The following ZNF266 variants were observed in gnomAD, a reference collection of about 807,000 sequenced individuals.
ZNF266 encodes zinc finger protein 266, also known as zinc finger protein 1.
In ZNF266, 16 loss-of-function variants were observed where a neutral mutation model predicts 16.4. The observed-to-expected ratio is 0.98, with a 90% CI of 0.66 to 1.48. The LOEUF is 1.48. ZNF266 is among the 40% of genes most tolerant of loss of function. The probability of loss-of-function intolerance (pLI) is 0.00; values close to 1 mark genes in which losing one functional copy is unlikely to be tolerated. For synonymous variants in ZNF266, 262 were observed against 237.9 expected (o/e 1.10, Z -0.93); for missense variants, 738 against 689.1 (o/e 1.07, Z -0.79).
intron 5 of ZNF266, among the ~76,000 whole-genome samples, chr19:9,427,499 A>AT (rs1357322477): frequency 2.6e-5 from 4 of 151,644 alleles, no homozygotes; most frequent in African/African-American, 7.3e-5. Flanking sequence ...ATATATATAT[A>AT]TATTTTAAGT....
intron 5 of ZNF266, among the ~76,000 whole-genome samples, chr19:9,424,339 AG>A (rs1448670496): frequency 6.6e-6 from 1 of 152,148 alleles, no homozygotes; most frequent in Non-Finnish European, 1.5e-5. Flanking sequence ...TGAAGTGATG[AG>A]GTGTAGAACC....
At chr19:9,421,225 A>G (rs1428216679) in intron 5 of ZNF266, among the ~76,000 whole-genome samples, 1 of 152,154 alleles carries the variant, frequency 6.6e-6, no homozygotes, top group East Asian at 1.9e-4. Flanking sequence ...CCTTTATTCT[A>G]TGAATGAGAA....
intron 5 of ZNF266, among the ~76,000 whole-genome samples, chr19:9,431,937 G>A (rs2071667903): frequency 6.6e-6 from 1 of 152,124 alleles, no homozygotes; most frequent in South Asian, 2.1e-4. Context: ...TGTAATTGAG[G>A]TCTCAAGTCA....
At chr19:9,419,909 A>G in intron 6 of ZNF266, 156 bp downstream of exon 6, 1 of 152,990 alleles carries the variant, frequency 6.5e-6, no homozygotes. Context: ...TCAAAAAAAA[A>G]AAAAAAAAAA....
In ZNF266 at chr19:9,435,427, G is replaced by A. The variant is rs1470410759; in HGVS notation, c.-701C>T. 1 of 152,258 alleles carries A rather than the reference G, an allele frequency of 6.6e-6. No homozygotes were observed. The highest frequency in any genetic ancestry group is 1.5e-5 in the Non-Finnish European group (1 of 68,098). 9.4% of individuals were successfully genotyped at this position (152,258 alleles called of 1,614,324 possible). ...AAGGTCTCTCTAAGGAGGCCCCTCG[G>A]CGGCCTGGGGCAAACCGGTACTTTC... On this transcript the variant is annotated 5_prime_UTR_variant, in exon 1 of 11. Transcript: ENST00000592904.
intron 5 of ZNF266, among the ~76,000 whole-genome samples, chr19:9,427,486 AAT>A (rs754507768): frequency 6.6e-6 from 1 of 150,988 alleles, no homozygotes; most frequent in Non-Finnish European, 1.5e-5. Flanking sequence ...ATGCCCAGCT[AAT>A]ATATATATAT....
At chr19:9,421,888 G>C (rs972150425) in intron 5 of ZNF266, among the ~76,000 whole-genome samples, 2 of 151,032 alleles carry the variant, frequency 1.3e-5, no homozygotes, top group African/African-American at 4.9e-5. Flanking sequence ...GGCTCGCTCT[G>C]TCACCCAGGC....
intron 5 of ZNF266, among the ~76,000 whole-genome samples, chr19:9,427,030 T>C (rs1348442224): frequency 5.3e-5 from 8 of 152,174 alleles, no homozygotes; most frequent in Admixed American, 5.2e-4. Context: ...TTGAAATATT[T>C]CACATGGCCC....
In ZNF266 at chr19:9,413,894, C is replaced by T. The variant is rs149699312; in HGVS notation, c.1232G>A (p.Arg411Gln). The change falls in exon 11 of 11, where the codon CGA (arginine) becomes CAA (glutamine). Residue 411 changes from arginine to glutamine, a missense_variant. Physicochemically the swap from Arg to Gln is conservative, Grantham distance 43. Transcript: ENST00000592904. ...ATAGGGTTTTATTCCAGTGTGAATT[C>T]GAAAGTGATCACTGAGGCATGAGGA... ...RNSSCLSDHF[R>Q]IHTGIKPYKC... is the part of the protein sequence containing the mutation. 18 of 1,614,018 alleles carry T rather than the reference C, an allele frequency of 1.1e-5. No individual in the cohort carries two copies. Among genetic ancestry groups the T allele is most frequent in the Middle Eastern group, 1.6e-4 (1 of 6,062 alleles).
At chr19:9,430,664 T>C (rs960332098) in intron 5 of ZNF266, among the ~76,000 whole-genome samples, 2 of 152,168 alleles carry the variant, frequency 1.3e-5, no homozygotes, top group African/African-American at 2.4e-5. Flanking sequence ...TGTGTGCTGT[T>C]TGTGACATAG....
rs1373657876 is a variant in ZNF266 at position 9,414,253 on chromosome 19, A to G, written c.873T>C (p.Ser291=). The G allele has an allele frequency of 5.6e-6, 9 of 1,614,076 alleles. No individual in the cohort carries two copies. In the Admixed American group the frequency reaches 1.5e-4, roughly 27 times the overall value. Reference sequence around the variant, plus strand: ...TTCCCATGTGAATATTAAGGTATGCAGAATATCTAAATCCTTTTCCACATT... The same window carrying G: ...TTCCCATGTGAATATTAAGGTATGCGGAATATCTAAATCCTTTTCCACATT... The part of the protein sequence containing the change: ...CKECGKGFRY[S]AYLNIHMGTH... The change falls in exon 11 of 11, where the codon TCT becomes TCC. Residue 291 remains serine (S), a synonymous_variant. Transcript: ENST00000592904.
intron 5 of ZNF266, among the ~76,000 whole-genome samples, chr19:9,421,208 G>A (rs979216001): frequency 2.6e-5 from 4 of 152,092 alleles, no homozygotes; most frequent in South Asian, 2.1e-4. Flanking sequence ...CCACAAGGAC[G>A]CTACAGCCTT....
chr19:9,428,258 C>T (rs1009879623), intron 5 of ZNF266, among the ~76,000 whole-genome samples: 1 of 152,166 alleles, frequency 6.6e-6, no homozygotes, highest in Non-Finnish European at 1.5e-5. Context: ...AACAACCCCC[C>T]ATAAGCTCTG....
chr19:9,417,674 C>T (rs139244408), intron 9 of ZNF266, among the ~76,000 whole-genome samples, 154 bp downstream of exon 9: 7 of 151,378 alleles, frequency 4.6e-5, no homozygotes, highest in Non-Finnish European at 7.4e-5. Context: ...CTTGCACCTG[C>T]GAGGCGGAGG....
intron 9 of ZNF266, among the ~76,000 whole-genome samples, chr19:9,417,216 C>T (rs2069170636): frequency 6.6e-6 from 1 of 151,472 alleles, no homozygotes; most frequent in East Asian, 2.0e-4. Flanking sequence ...ACTAATAATA[C>T]AAAAAATTAA....
At chr19:9,431,693 T>C (rs2071619665) in intron 5 of ZNF266, among the ~76,000 whole-genome samples, 1 of 152,156 alleles carries the variant, frequency 6.6e-6, no homozygotes, top group African/African-American at 2.4e-5. Flanking sequence ...GCCTTTGCCT[T>C]GAAACACTGC....
chr19:9,432,996 A>G (rs997975836), intron 5 of ZNF266, among the ~76,000 whole-genome samples: 23 of 152,342 alleles, frequency 1.5e-4, no homozygotes, highest in African/African-American at 5.1e-4. Context: ...TTCCAGTTCC[A>G]GAATGAAAAT....
chr19:9,431,282 C>T (rs2071548045), intron 5 of ZNF266, among the ~76,000 whole-genome samples: 1 of 152,154 alleles, frequency 6.6e-6, no homozygotes, highest in South Asian at 2.1e-4. Context: ...CCACAAAACC[C>T]TGGCCCAGTC....
At chr19:9,421,144 C>A (rs1005015875) in intron 5 of ZNF266, among the ~76,000 whole-genome samples, 8 of 152,060 alleles carry the variant, frequency 5.3e-5, no homozygotes, top group African/African-American at 1.9e-4. Context: ...GGAATCTGAA[C>A]GATGAAAATC....
Sources: allele counts gnomAD v4.1 joint callset (sites outside exome capture counted in the v4.1 genomes callset), GRCh38; gene constraint gnomAD v4.1.1; transcripts MANE v1.5; gene names NCBI Gene and HGNC (gene_info 2026-07-23, HGNC 2026-07-21).